Variants in PRKCA observed in about 807,000 individuals in gnomAD.
PRKCA encodes protein kinase C alpha type.
PRKCA carries 27 observed loss-of-function variants against 87.0 expected under a neutral mutation model. The observed-to-expected ratio is 0.31, with a 90% CI of 0.23 to 0.43. The LOEUF is 0.43. PRKCA is among the 20% of genes least tolerant of loss of function. The pLI, the probability that PRKCA is intolerant of heterozygous loss-of-function variation, is 1.00. For synonymous variants in PRKCA, 329 were observed against 311.1 expected (o/e 1.06, Z -0.61); for missense variants, 518 against 852.3 (o/e 0.61, Z 4.88).
intron 13 of PRKCA, among the ~76,000 whole-genome samples, chr17:66,743,588 T>G (rs776763573): frequency 7.2e-5 from 11 of 152,162 alleles, no homozygotes; most frequent in Non-Finnish European, 1.3e-4. Context: ...TCCTGTTTTA[T>G]GAAACATCCC....
At chr17:66,310,137 C>T (rs781281883) in intron 2 of PRKCA, among the ~76,000 whole-genome samples, 1 of 152,168 alleles carries the variant, frequency 6.6e-6, no homozygotes, top group Non-Finnish European at 1.5e-5. Context: ...AAAATGTGAC[C>T]TGCCTATTTC....
chr17:66,563,051 G>C (rs959461869), intron 3 of PRKCA, among the ~76,000 whole-genome samples: 5 of 151,956 alleles, frequency 3.3e-5, no homozygotes, highest in African/African-American at 1.2e-4. Context: ...TAGAGCCATT[G>C]TTTTAGGGTT....
Position 66,519,797 on chromosome 17 carries a change from G to T in PRKCA, c.288+23514G>T, listed in dbSNP as rs377332519. 1.0e-3 allele frequency among the ~76,000 whole-genome samples: 157 copies of T among 152,300 alleles called. 1 individual carries two copies. The highest frequency in any genetic ancestry group is 3.5e-3 in the African/African-American group (147 of 41,566). On this transcript the variant is annotated intron_variant, in intron 3 of 16. Transcript: ENST00000413366. ...CTGAAGCAGCAAGGCAGCGGCTGGG[G>T]CCTGGCATTCTGCATTTCCCAAGCT...
intron 2 of PRKCA, among the ~76,000 whole-genome samples, chr17:66,317,135 CTG>C (rs1469557231): frequency 6.8e-6 from 1 of 146,614 alleles, no homozygotes; most frequent in Non-Finnish European, 1.5e-5. Flanking sequence ...GAGTGAGACT[CTG>C]TCTCAAAAAA....
At chr17:66,347,756 A>G (rs1008340908) in intron 2 of PRKCA, among the ~76,000 whole-genome samples, 2 of 152,052 alleles carry the variant, frequency 1.3e-5, no homozygotes, top group East Asian at 3.8e-4. Flanking sequence ...TTCACTTGGA[A>G]AACTTTATTG....
At chr17:66,796,420 C>G (rs1290595444) in intron 16 of PRKCA, 1 of 984,638 alleles carries the variant, frequency 1.0e-6, no homozygotes, top group East Asian at 1.1e-4. Flanking sequence ...TCTCCAAATC[C>G]TCTCCTTTGT....
rs543342587 is a variant in PRKCA at position 66,578,084 on chromosome 17, A to G, written c.289-63271A>G. ...CTCCTCAGCCCCCTTTGAAATGCCAAATTCAGAAGCTGTGTTTCCCTTCCT... is the reference window on the plus strand; with the variant it reads ...CTCCTCAGCCCCCTTTGAAATGCCAGATTCAGAAGCTGTGTTTCCCTTCCT... On this transcript the variant is annotated intron_variant, in intron 3 of 16. Coordinates refer to ENST00000413366, the MANE Select transcript of PRKCA (RefSeq NM_002737.3). 2.6e-5 allele frequency among the ~76,000 whole-genome samples: 4 copies of G among 152,040 alleles called. No homozygotes were observed. The South Asian group carries it at 8.3e-4, about 32-fold the overall frequency.
chr17:66,645,857 G>A (rs1971438431), intron 5 of PRKCA, among the ~76,000 whole-genome samples: 1 of 152,198 alleles, frequency 6.6e-6, no homozygotes, highest in African/African-American at 2.4e-5. Context: ...TGGAGGGAAT[G>A]GAACTAGAAC....
At chr17:66,745,643 T>C (rs1974261774) in intron 13 of PRKCA, among the ~76,000 whole-genome samples, 1 of 152,190 alleles carries the variant, frequency 6.6e-6, no homozygotes, top group Non-Finnish European at 1.5e-5. Flanking sequence ...ATCGTGCCAC[T>C]GCACTCCAGC....
intron 3 of PRKCA, among the ~76,000 whole-genome samples, chr17:66,530,100 T>C (rs933504972): frequency 3.9e-5 from 6 of 152,214 alleles, no homozygotes; most frequent in Non-Finnish European, 5.9e-5. Context: ...TCCTGCCCCA[T>C]GTTCAGTGTT....
At chr17:66,476,466 C>A (rs1328925449) in intron 2 of PRKCA, among the ~76,000 whole-genome samples, 1 of 152,182 alleles carries the variant, frequency 6.6e-6, no homozygotes, top group Non-Finnish European at 1.5e-5. Context: ...AGAATGCCAG[C>A]CAAGGCCCTG....
Position 66,454,566 on chromosome 17 carries a change from T to C in PRKCA, c.206-41635T>C, listed in dbSNP as rs150775789. On this transcript the variant is annotated intron_variant, in intron 2 of 16. Coordinates refer to ENST00000413366, the MANE Select transcript of PRKCA (RefSeq NM_002737.3). ...GAGGTTTAATGGACTCACAGTTCCATGTGTCTGGGGAGGCCTCACAATCAT... is the reference window on the plus strand; with the variant it reads ...GAGGTTTAATGGACTCACAGTTCCACGTGTCTGGGGAGGCCTCACAATCAT... Among the ~76,000 whole-genome samples the C allele has an allele frequency of 6.1e-3, 929 of 152,288 alleles. 13 individuals are homozygous for C. The highest frequency in any genetic ancestry group is 0.02 in the African/African-American group (824 of 41,560).
Position 66,786,919 on chromosome 17 carries a change from A to C in PRKCA, c.1658A>C (p.His553Pro). 6.2e-7 allele frequency: 1 copy of C among 1,614,200 alleles called. No individual in the cohort carries two copies. The highest frequency in any genetic ancestry group is 2.2e-5 in the East Asian group (1 of 44,884). ...EDELFQSIME[H>P]NVSYPKSLSK... ...GAGCTATTTCAGTCTATCATGGAGC[A>C]CAACGTTTCCTATCCAAAATCCTTG... Residue 553 changes from histidine (H) to proline (P), a missense_variant, in exon 15 of 17, where the codon CAC becomes CCC. Coordinates refer to ENST00000413366, the MANE Select transcript of PRKCA (RefSeq NM_002737.3).
intron 2 of PRKCA, among the ~76,000 whole-genome samples, chr17:66,411,450 G>A (rs1236774492): frequency 2.6e-5 from 4 of 151,922 alleles, no homozygotes; most frequent in Non-Finnish European, 1.5e-5. Context: ...TGTACTTATT[G>A]TTTTGTTAAA....
chr17:66,327,579 C>T (rs1039436619), intron 2 of PRKCA, among the ~76,000 whole-genome samples: 5 of 151,994 alleles, frequency 3.3e-5, no homozygotes, highest in Admixed American at 2.6e-4. Context: ...CATGTGCTCC[C>T]GTAACCGCCA....
chr17:66,672,783 A>G (rs548814189), intron 5 of PRKCA, among the ~76,000 whole-genome samples: 1 of 152,234 alleles, frequency 6.6e-6, no homozygotes, highest in Non-Finnish European at 1.5e-5. Context: ...AAATGTTTTC[A>G]AAGCATACTT....
At chr17:66,465,118 AG>A (rs1298092790) in intron 2 of PRKCA, among the ~76,000 whole-genome samples, 43 of 152,334 alleles carry the variant, frequency 2.8e-4, no homozygotes, top group African/African-American at 1.0e-3. Flanking sequence ...ATGAATGACT[AG>A]GAAACTCTTT....
At chr17:66,790,699 A>C (rs1332834892) in intron 16 of PRKCA, among the ~76,000 whole-genome samples, 2 of 152,212 alleles carry the variant, frequency 1.3e-5, no homozygotes, top group Non-Finnish European at 2.9e-5. Flanking sequence ...GTCACTTTCC[A>C]GAAAGCGATG....
At chr17:66,550,530 T>G (rs34408764) in intron 3 of PRKCA, among the ~76,000 whole-genome samples, 12,468 of 152,102 alleles carry the variant, frequency 0.082, 556 homozygotes, top group South Asian at 0.17. Context: ...ACATCTGTAG[T>G]CTCAGCTACT....
Sources: allele counts gnomAD v4.1 joint callset (sites outside exome capture counted in the v4.1 genomes callset), GRCh38; gene constraint gnomAD v4.1.1; transcripts MANE v1.5; gene names NCBI Gene and HGNC (gene_info 2026-07-23, HGNC 2026-07-21).